The following NTN4 variants were observed in gnomAD, a reference collection of about 807,000 sequenced individuals.
NTN4 encodes netrin-4.
Under a neutral mutation model 73.6 loss-of-function variants are expected in NTN4, and 32 were observed. The ratio of observed to expected loss-of-function variants is 0.44; its 90% CI spans 0.33 to 0.58. The LOEUF is 0.58. Among genes scored for constraint, NTN4 ranks in the 20% least tolerant of loss-of-function variants. The pLI, the probability that NTN4 is intolerant of heterozygous loss-of-function variation, is 0.04. For missense variants in NTN4, 654 were observed against 798.3 expected (o/e 0.82, Z 2.18); for synonymous variants, 258 against 287.5 (o/e 0.90, Z 1.04).
intron 5 of NTN4, among the ~76,000 whole-genome samples, chr12:95,696,668 T>G (rs551209350): frequency 1.3e-5 from 2 of 152,208 alleles, no homozygotes; most frequent in Non-Finnish European, 2.9e-5. Flanking sequence ...AGGTCCATAC[T>G]GCTCTTTATA....
chr12:95,717,664 G>GAA (rs60647046), intron 3 of NTN4, among the ~76,000 whole-genome samples: 5 of 119,356 alleles, frequency 4.2e-5, no homozygotes, highest in African/African-American at 3.1e-5. Flanking sequence ...GGTCTTCATT[G>GAA]AAAAAAAAAA....
intron 2 of NTN4, among the ~76,000 whole-genome samples, chr12:95,784,096 A>C (rs1042354692): frequency 1.3e-5 from 2 of 152,250 alleles, no homozygotes; most frequent in Admixed American, 6.5e-5. Context: ...TAATATTGCA[A>C]ATAAGCCATA....
chr12:95,724,897 T>TA (rs1439848343), intron 3 of NTN4, among the ~76,000 whole-genome samples: 1 of 152,038 alleles, frequency 6.6e-6, no homozygotes, highest in Admixed American at 6.6e-5. Flanking sequence ...TTTTTATACT[T>TA]AAACTTTCCC....
intron 7 of NTN4, chr12:95,673,967 G>A (rs2078253842): frequency 6.6e-6 from 1 of 152,170 alleles, no homozygotes; most frequent in Admixed American, 6.5e-5. Context: ...CCAGGAATGA[G>A]TATAATAAAG....
At chr12:95,719,229 T>A (rs1327324184) in intron 3 of NTN4, among the ~76,000 whole-genome samples, 1 of 152,214 alleles carries the variant, frequency 6.6e-6, no homozygotes, top group Non-Finnish European at 1.5e-5. Context: ...CATTATTATT[T>A]ATATACATGA....
intron 5 of NTN4, among the ~76,000 whole-genome samples, chr12:95,702,564 C>T (rs1387640056): frequency 6.6e-6 from 1 of 152,000 alleles, no homozygotes; most frequent in Non-Finnish European, 1.5e-5. Context: ...CATACACAGC[C>T]CTTTGAATAG....
At chr12:95,715,227 A>G (rs1347760227) in intron 3 of NTN4, among the ~76,000 whole-genome samples, 15 of 152,120 alleles carry the variant, frequency 9.9e-5, no homozygotes, top group Non-Finnish European at 2.1e-4. Flanking sequence ...TTCATAAGCA[A>G]TATGTTGGTG....
intron 3 of NTN4, among the ~76,000 whole-genome samples, chr12:95,723,219 C>T (rs1356894351): frequency 2.0e-5 from 3 of 151,788 alleles, no homozygotes; most frequent in South Asian, 4.2e-4. Context: ...TTTTGGGAAA[C>T]CTTACTACCA....
At chr12:95,694,322 G>A (rs1453785665) in intron 5 of NTN4, among the ~76,000 whole-genome samples, 17 of 152,072 alleles carry the variant, frequency 1.1e-4, no homozygotes, top group Admixed American at 9.8e-4. Context: ...AGACCCCGGC[G>A]GCCACTCCCT....
At chr12:95,668,998 C>T (rs534683908) in intron 8 of NTN4, among the ~76,000 whole-genome samples, 8 of 152,288 alleles carry the variant, frequency 5.3e-5, no homozygotes, top group African/African-American at 1.9e-4. Flanking sequence ...GTGGCACATG[C>T]CTGTAGTCCC....
chr12:95,782,362 C>G (rs1462998907), intron 2 of NTN4, among the ~76,000 whole-genome samples: 2 of 151,486 alleles, frequency 1.3e-5, no homozygotes, highest in Non-Finnish European at 2.9e-5. Context: ...GGGGCGTGAT[C>G]TCGGGTCACT....
chr12:95,673,297 C>T (rs2078248220), intron 7 of NTN4: 2 of 306,414 alleles, frequency 6.5e-6, no homozygotes, highest in East Asian at 8.2e-5. Flanking sequence ...GGTTCTCAGT[C>T]CAAGCTGTGG....
chr12:95,768,326 G>A (rs2079033977), intron 2 of NTN4, among the ~76,000 whole-genome samples: 1 of 152,112 alleles, frequency 6.6e-6, no homozygotes, highest in Admixed American at 6.5e-5. Context: ...ATTCCTTAAG[G>A]ATGAGTGGGA....
chr12:95,699,256 A>G (rs781482786), intron 5 of NTN4, among the ~76,000 whole-genome samples: 1 of 152,232 alleles, frequency 6.6e-6, no homozygotes, highest in Non-Finnish European at 1.5e-5. Flanking sequence ...ACAAGTTACT[A>G]TTTGAAGAGA....
At chr12:95,722,689 T>G (rs76872908) in intron 3 of NTN4, among the ~76,000 whole-genome samples, 257 of 151,806 alleles carry the variant, frequency 1.7e-3, no homozygotes, top group African/African-American at 6.0e-3. Flanking sequence ...TTTCCATTAT[T>G]TTAGGCCAGG....
At chr12:95,681,066 G>A (rs2078311296) in intron 7 of NTN4, among the ~76,000 whole-genome samples, 1 of 151,804 alleles carries the variant, frequency 6.6e-6, no homozygotes, top group Non-Finnish European at 1.5e-5. Flanking sequence ...GTGGGTGCCT[G>A]TAATCACAGC....
At chr12:95,695,505 C>T (rs1167517958) in intron 5 of NTN4, among the ~76,000 whole-genome samples, 1 of 152,078 alleles carries the variant, frequency 6.6e-6, no homozygotes, top group Non-Finnish European at 1.5e-5. Context: ...GCTGGGGTTA[C>T]AGGTGTGTGC....
At chr12:95,707,459 C>T (rs1445480968) in intron 5 of NTN4, among the ~76,000 whole-genome samples, 2 of 152,190 alleles carry the variant, frequency 1.3e-5, no homozygotes, top group South Asian at 4.1e-4. Flanking sequence ...ATCTCACCTT[C>T]CCAGTGCTGG....
At chr12:95,708,449 G>A (rs561220525) in intron 5 of NTN4, among the ~76,000 whole-genome samples, 107 of 151,614 alleles carry the variant, frequency 7.1e-4, no homozygotes, top group Non-Finnish European at 1.2e-3. Flanking sequence ...CACCACGCCC[G>A]GCTAATTTTT....
Sources: allele counts gnomAD v4.1 joint callset (sites outside exome capture counted in the v4.1 genomes callset), GRCh38; gene constraint gnomAD v4.1.1; transcripts MANE v1.5; gene names NCBI Gene and HGNC (gene_info 2026-07-23, HGNC 2026-07-21).